DIP2C: variants seen among roughly 807,000 people sequenced by gnomAD.
The protein encoded by DIP2C is DIP2 acetate--CoA ligase C (putative), also known as disco-interacting protein 2 homolog C.
A neutral mutation model predicts 192.4 loss-of-function variants in DIP2C; 33 were observed. The ratio of observed to expected loss-of-function variants is 0.17; its 90% CI spans 0.13 to 0.23. The LOEUF is 0.23. Among genes scored for constraint, DIP2C ranks in the 10% least tolerant of loss-of-function variants. The pLI, the probability that DIP2C is intolerant of heterozygous loss-of-function variation, is 1.00. For missense variants in DIP2C, 1,537 were observed against 2,110.1 expected, an observed-to-expected ratio of 0.73 and a Z score of 5.32; for synonymous variants, 979 against 864.1, an observed-to-expected ratio of 1.13 and a Z score of -2.33.
intron 1 of DIP2C, among the ~76,000 whole-genome samples, chr10:553,066 A>G (rs1403287347): frequency 6.6e-6 from 1 of 152,204 alleles, no homozygotes; most frequent in Non-Finnish European, 1.5e-5. Context: ...CAGACCTGGG[A>G]TCCATGTTTC....
chr10:395,587 A>G (rs1337382386), intron 10 of DIP2C, among the ~76,000 whole-genome samples: 2 of 152,194 alleles, frequency 1.3e-5, no homozygotes, highest in Non-Finnish European at 1.5e-5. Flanking sequence ...AAAGGTTTCT[A>G]AATGCCTTGT....
chr10:566,315 C>G (rs1849466138), intron 1 of DIP2C, among the ~76,000 whole-genome samples: 1 of 152,184 alleles, frequency 6.6e-6, no homozygotes, highest in Non-Finnish European at 1.5e-5. Flanking sequence ...CATACTTTTT[C>G]ACGTGACCCT....
At chr10:451,107 G>C (rs938755206) in intron 3 of DIP2C, among the ~76,000 whole-genome samples, 1 of 152,142 alleles carries the variant, frequency 6.6e-6, no homozygotes, top group South Asian at 2.1e-4. Flanking sequence ...GGCGGTGACT[G>C]GTGAAGCAAC....
chr10:610,521 G>C (rs563442708), intron 1 of DIP2C, among the ~76,000 whole-genome samples: 1 of 152,242 alleles, frequency 6.6e-6, no homozygotes, highest in African/African-American at 2.4e-5. Context: ...GATCAATATA[G>C]GGACGTATCA....
Position 473,722 on chromosome 10 carries a change from T to C in DIP2C, c.158-1173A>G, listed in dbSNP as rs564851345. ...TCTAAGAGTGAGCACCAATCACTAA[T>C]AGATGCTTCTTCAGAAATGGATCAG... is the stretch of plus-strand genomic sequence containing the variant. On this transcript the variant is annotated intron_variant, in intron 2 of 36. Transcript: ENST00000280886. 6.6e-5 allele frequency among the ~76,000 whole-genome samples: 10 copies of C among 152,390 alleles called. No individual in the cohort carries two copies. The South Asian group carries it at 1.4e-3, about 22-fold the overall frequency.
rs114855069 is a variant in DIP2C, at chr10:356,450, G to C, written c.2961C>G (p.Ile987Met). The change falls in exon 24 of 37, where the codon ATC becomes ATG. Residue 987 changes from isoleucine (I) to methionine (M), a missense_variant. This residue lies in a region of DIP2C where 677 missense variants were observed against 989.9 expected (regional missense o/e 0.68). Coordinates refer to ENST00000280886, the MANE Select transcript of DIP2C (RefSeq NM_014974.3). ...QWRAQTTPDH[I>M]LYTLLNCRGA... ...CCCGACAGTTGAGCAGCGTGTAGAG[G>C]ATGTGGTCCGGGGTGGTCTGTGCTC... 8.3e-4 allele frequency: 1,345 copies of C among 1,611,914 alleles called. 12 individuals carry two copies. In the African/African-American group the frequency reaches 0.014, roughly 17 times the overall value.
intron 17 of DIP2C, among the ~76,000 whole-genome samples, chr10:377,592 G>A (rs547650474): frequency 6.6e-6 from 1 of 152,274 alleles, no homozygotes; most frequent in South Asian, 2.1e-4. Flanking sequence ...GCGGGATTAT[G>A]GAACTCTGGG....
intron 23 of DIP2C, 40 bp from the exon 24 acceptor site, chr10:356,546 T>G: frequency 5.7e-6 from 9 of 1,568,114 alleles, no homozygotes; most frequent in Non-Finnish European, 6.1e-6. Flanking sequence ...GCTGTGCGGT[T>G]GGATCAGGCT....
intron 19 of DIP2C, among the ~76,000 whole-genome samples, chr10:365,669 G>T (rs976592987): frequency 6.6e-6 from 1 of 152,248 alleles, no homozygotes; most frequent in Non-Finnish European, 1.5e-5. Flanking sequence ...GTTCTGAGTT[G>T]CAGCACTGAA....
chr10:350,893 G>A (rs915506702), intron 24 of DIP2C, among the ~76,000 whole-genome samples: 22 of 152,112 alleles, frequency 1.4e-4, no homozygotes, highest in Non-Finnish European at 8.8e-5. Flanking sequence ...TGATCCGCCC[G>A]CCTTGGCCTC....
At chr10:404,332 C>T (rs1379776934) in intron 9 of DIP2C, among the ~76,000 whole-genome samples, 1 of 151,994 alleles carries the variant, frequency 6.6e-6, no homozygotes, top group Non-Finnish European at 1.5e-5. Context: ...CCTCAGCCTC[C>T]CGAATAGCTA....
chr10:552,624 G>T (rs1290244637), intron 1 of DIP2C, among the ~76,000 whole-genome samples: 4 of 152,228 alleles, frequency 2.6e-5, no homozygotes, highest in Non-Finnish European at 5.9e-5. Context: ...GCCGAGGCGG[G>T]CGGATCACGA....
At chr10:601,936 A>C (rs1852103609) in intron 1 of DIP2C, among the ~76,000 whole-genome samples, 1 of 152,196 alleles carries the variant, frequency 6.6e-6, no homozygotes, top group South Asian at 2.1e-4. Context: ...CTGATTGATC[A>C]GTGGGAACCG....
chr10:324,959 T>G, intron 31 of DIP2C: 1 of 533,024 alleles, frequency 1.9e-6, no homozygotes. Flanking sequence ...ACTCCTTCCT[T>G]GTAAACCATC....
chr10:599,349 T>G (rs58489741), intron 1 of DIP2C, among the ~76,000 whole-genome samples: 1 of 152,062 alleles, frequency 6.6e-6, no homozygotes, highest in African/African-American at 2.4e-5. Context: ...CTATTATCCA[T>G]GAAATATTTA....
chr10:467,432 G>C (rs986913836), intron 3 of DIP2C, among the ~76,000 whole-genome samples: 3 of 150,812 alleles, frequency 2.0e-5, no homozygotes, highest in African/African-American at 7.3e-5. Flanking sequence ...CCTAATGCTA[G>C]ATGACGAGTT....
chr10:468,139 C>A (rs1392859320), intron 3 of DIP2C, among the ~76,000 whole-genome samples: 1 of 152,154 alleles, frequency 6.6e-6, no homozygotes, highest in African/African-American at 2.4e-5. Context: ...ATTGTGAAAT[C>A]TGTCTATTGG....
intron 4 of DIP2C, among the ~76,000 whole-genome samples, chr10:426,726 C>T (rs531297424): frequency 1.3e-5 from 2 of 152,244 alleles, no homozygotes; most frequent in South Asian, 2.1e-4. Context: ...TTTTGACAAA[C>T]GTCTCAAGAC....
intron 24 of DIP2C, among the ~76,000 whole-genome samples, chr10:355,758 A>AT (rs1175597905): frequency 6.6e-6 from 1 of 152,210 alleles, no homozygotes; most frequent in African/African-American, 2.4e-5. Flanking sequence ...TGAGTCTGCA[A>AT]TAAACATAAC....
Sources: gnomAD v4.1 joint callset for allele counts (sites outside exome capture counted in the v4.1 genomes callset) on GRCh38, gnomAD v4.1.1 for gene constraint, gnomAD v4.1.1 regional missense constraint, MANE v1.5 for transcripts, NCBI Gene and HGNC (gene_info 2026-07-23, HGNC 2026-07-21) for gene names.